R3HDM2: variants seen among roughly 807,000 people sequenced by gnomAD.
R3HDM2 encodes the protein R3H domain-containing protein 2.
Under a neutral mutation model 124.5 loss-of-function variants are expected in R3HDM2, and 38 were observed. The observed-to-expected ratio is 0.31, with a 90% CI of 0.24 to 0.40. The LOEUF (loss-of-function observed/expected upper bound fraction) is 0.40. Among genes scored for constraint, R3HDM2 ranks in the 10% least tolerant of loss-of-function variants. R3HDM2 has a pLI of 1.00. For synonymous variants in R3HDM2, 391 were observed against 448.0 expected, an observed-to-expected ratio of 0.87 and a Z score of 1.61; for missense variants, 869 against 1,236.9, an observed-to-expected ratio of 0.70 and a Z score of 4.46.
chr12:57,269,648 G>A, intron 15 of R3HDM2, 104 bp downstream of exon 15: 2 of 1,517,696 alleles, frequency 1.3e-6, no homozygotes, highest in Admixed American at 3.7e-5. Context: ...GTGCAAGGTA[G>A]GGAGAGGTAT....
intron 14 of R3HDM2, among the ~76,000 whole-genome samples, chr12:57,273,337 T>C (rs889608506): frequency 4.6e-5 from 7 of 152,206 alleles, no homozygotes; most frequent in Non-Finnish European, 7.3e-5. Context: ...ACTAGGAACA[T>C]AGAGTGTTCT....
rs71084737 is a variant in R3HDM2, at chr12:57,281,287, CAA to C, written c.1172-759_1172-758del. Among the ~76,000 whole-genome samples the C allele has an allele frequency of 4.0e-3, 325 of 81,952 alleles. 2 individuals are homozygous for C. Among genetic ancestry groups the C allele is most frequent in the African/African-American group, 0.016 (307 of 18,726 alleles). The allele number at this position is 81,952 out of a possible 152,430, so 53.8% of individuals were successfully genotyped here. On this transcript the variant is annotated intron_variant, in intron 13 of 23. Coordinates refer to ENST00000402412, the MANE Select transcript of R3HDM2 (RefSeq NM_001394031.1). The stretch of plus-strand genomic sequence containing the variant: ...GGGCGACAAGAGCGAGACTCGGTCT[CAA>C]AAAAAAAAAAAAAAAAAATGTTGCT...
intron 1 of R3HDM2, among the ~76,000 whole-genome samples, chr12:57,411,439 C>T (rs1385851951): frequency 6.6e-6 from 1 of 152,210 alleles, no homozygotes; most frequent in African/African-American, 2.4e-5. Flanking sequence ...GTTGGGATTA[C>T]AGGCATGAGC....
At chr12:57,317,988 C>CAAAAAA (rs769547852) in intron 2 of R3HDM2, among the ~76,000 whole-genome samples, 1 of 144,538 alleles carries the variant, frequency 6.9e-6, no homozygotes, top group Non-Finnish European at 1.5e-5. Context: ...CCCGCCCCCC[C>CAAAAAA]AAAAAAAAAA....
chr12:57,280,223 G>C, intron 14 of R3HDM2, 135 bp downstream of exon 14: 1 of 958,408 alleles, frequency 1.0e-6, no homozygotes. Context: ...ACTAACAAAT[G>C]AGAAATGGGG....
chr12:57,264,053 G>T (rs1370374192), intron 19 of R3HDM2, among the ~76,000 whole-genome samples: 1 of 152,044 alleles, frequency 6.6e-6, no homozygotes, highest in Non-Finnish European at 1.5e-5. Flanking sequence ...GCCCATCCTG[G>T]CCAACATGGT....
rs755403804 is a variant in R3HDM2 at position 57,268,885 on chromosome 12, G to A, written c.1875+37C>T. ...AGGCTCTCCTTTTCCTCATGCCAAG[G>A]ACTGGGGTGATCCTTCCCAATGCAG... On this transcript the variant is annotated intron_variant, in intron 17 of 23. Coordinates refer to ENST00000402412, the MANE Select transcript of R3HDM2 (RefSeq NM_001394031.1). 2.7e-5 allele frequency: 43 copies of A among 1,604,408 alleles called. 1 individual carries two copies. In the South Asian group the frequency reaches 4.2e-4, roughly 16 times the overall value.
intron 2 of R3HDM2, among the ~76,000 whole-genome samples, chr12:57,382,217 A>G (rs2064996674): frequency 6.6e-6 from 1 of 151,518 alleles, no homozygotes; most frequent in African/African-American, 2.4e-5. Context: ...TAGGCTCAAG[A>G]GATCCTCCTA....
At chr12:57,357,644 ATT>A (rs35477289) in intron 2 of R3HDM2, among the ~76,000 whole-genome samples, 18,978 of 127,394 alleles carry the variant, frequency 0.15, 1,367 homozygotes, top group Admixed American at 0.25. Context: ...AGTTTTGCTG[ATT>A]TTTTTTTTTT....
intron 19 of R3HDM2, among the ~76,000 whole-genome samples, chr12:57,261,695 C>T (rs748844490): frequency 2.0e-5 from 3 of 147,686 alleles, no homozygotes; most frequent in Non-Finnish European, 3.0e-5. Context: ...TTCTCTTCCT[C>T]GAGCCCAAAG....
At chr12:57,272,319 C>T (rs1447606677) in intron 14 of R3HDM2, 1 of 758,594 alleles carries the variant, frequency 1.3e-6, no homozygotes, top group Non-Finnish European at 2.3e-6. Flanking sequence ...GTGCTGGTCC[C>T]TCAAGAAGAA....
At chr12:57,386,481 T>TGAA (rs2065814270) in intron 2 of R3HDM2, among the ~76,000 whole-genome samples, 2 of 152,230 alleles carry the variant, frequency 1.3e-5, no homozygotes, top group Non-Finnish European at 2.9e-5. Flanking sequence ...CTCGACTTCT[T>TGAA]GCCGGGCCTT....
At chr12:57,360,868 C>G (rs775798375) in intron 2 of R3HDM2, among the ~76,000 whole-genome samples, 1 of 151,518 alleles carries the variant, frequency 6.6e-6, no homozygotes, top group Admixed American at 6.6e-5. Context: ...CTGGCTAACA[C>G]GGTGAAACCC....
chr12:57,322,658 T>C (rs1293013619), intron 2 of R3HDM2, among the ~76,000 whole-genome samples: 3 of 152,308 alleles, frequency 2.0e-5, no homozygotes, highest in South Asian at 4.1e-4. Context: ...TTTTTACTTA[T>C]TGTTGAATCC....
chr12:57,399,466 T>C (rs2067859179), intron 1 of R3HDM2, among the ~76,000 whole-genome samples: 1 of 152,178 alleles, frequency 6.6e-6, no homozygotes, highest in Non-Finnish European at 1.5e-5. Context: ...ACAGACACTT[T>C]GTCCTAGCCT....
chr12:57,286,673 G>A (rs1248800590), intron 12 of R3HDM2, among the ~76,000 whole-genome samples: 1 of 152,148 alleles, frequency 6.6e-6, no homozygotes, highest in African/African-American at 2.4e-5. Context: ...CCTGAGGTCA[G>A]GAGTTTGAGA....
At chr12:57,372,016 C>T (rs1213319350) in intron 2 of R3HDM2, among the ~76,000 whole-genome samples, 3 of 152,142 alleles carry the variant, frequency 2.0e-5, no homozygotes, top group African/African-American at 4.8e-5. Flanking sequence ...TGCAGGCATG[C>T]ACCAACACAC....
intron 2 of R3HDM2, among the ~76,000 whole-genome samples, chr12:57,351,761 A>G (rs758965737): frequency 6.6e-6 from 1 of 152,224 alleles, no homozygotes; most frequent in Non-Finnish European, 1.5e-5. Flanking sequence ...TGATTTGTAC[A>G]TGGCACAGAG....
rs762285422 is a variant in R3HDM2 at position 57,288,378 on chromosome 12, G to GTC, written c.938+629_938+630dup. ...TACATACATAAAGGTGTCCGTATAT[G>GTC]TCTCTCTCTCTCTCTCTCTATATAT... On this transcript the variant is annotated intron_variant, in intron 12 of 23. Transcript: ENST00000402412. Among the ~76,000 whole-genome samples the GTC allele has an allele frequency of 4.6e-3, 699 of 150,722 alleles. 3 individuals are homozygous for GTC. The highest frequency in any genetic ancestry group is 0.011 in the African/African-American group (455 of 41,044).
Sources: allele counts gnomAD v4.1 joint callset (sites outside exome capture counted in the v4.1 genomes callset), GRCh38; gene constraint gnomAD v4.1.1; transcripts MANE v1.5; gene names NCBI Gene and HGNC (gene_info 2026-07-23, HGNC 2026-07-21).